Variants in RGS3 observed in about 807,000 individuals in gnomAD.
RGS3 encodes regulator of G protein signaling 3, also known as regulator of G-protein signalling 3.
Under a neutral mutation model 132.6 loss-of-function variants are expected in RGS3, and 80 were observed. The ratio of observed to expected loss-of-function variants is 0.60; its 90% CI spans 0.50 to 0.73. The LOEUF (loss-of-function observed/expected upper bound fraction) is 0.73. Among genes scored for constraint, RGS3 ranks in the 30% least tolerant of loss-of-function variants. The pLI, the probability that RGS3 is intolerant of heterozygous loss-of-function variation, is 0.00. For synonymous variants in RGS3, 598 were observed against 620.6 expected, an observed-to-expected ratio of 0.96 and a Z score of 0.54; for missense variants, 1,382 against 1,530.8, an observed-to-expected ratio of 0.90 and a Z score of 1.62.
At chr9:113,583,872 C>G (rs1275846175) in exon 20 of RGS3, 1 of 1,613,964 alleles carries the variant, frequency 6.2e-7, no homozygotes. Context: ...TGCCTCCTAG[C>G]CAGGTCTCCC....
intron 10 of RGS3, among the ~76,000 whole-genome samples, chr9:113,502,363 G>A (rs959235179): frequency 6.6e-6 from 1 of 152,218 alleles, no homozygotes; most frequent in African/African-American, 2.4e-5. Context: ...ACATAGAGAA[G>A]CCCCTCTATT....
At chr9:113,460,216 A>T, upstream of RGS3, 1 of 1,227,914 alleles carries the variant, frequency 8.1e-7, no homozygotes. Flanking sequence ...CTTTAACCTT[A>T]TTTCCTTTTA....
chr9:113,490,511 A>G (rs543619642), intron 7 of RGS3, among the ~76,000 whole-genome samples: 3 of 151,896 alleles, frequency 2.0e-5, no homozygotes, highest in Non-Finnish European at 4.4e-5. Flanking sequence ...TAATATGGCA[A>G]AAGACAAATT....
rs541317743 is a variant in RGS3 at position 113,537,311 on chromosome 9, G to A, written c.2037+393G>A. On this transcript the variant is annotated intron_variant, in intron 19 of 24. Transcript: ENST00000350696. This position sits in a 1 kb window ranked among gnomAD's most constrained non-coding sequence, Gnocchi z 4.3. ...TGTTTAACATTGGCCCCAGGCGGAT[G>A]CGATAGAGGGGATGTTTGCGGCAGA... 6.6e-6 allele frequency among the ~76,000 whole-genome samples: 1 copy of A among 152,338 alleles called. No individual in the cohort carries two copies. The highest frequency in any genetic ancestry group is 2.1e-4 in the South Asian group (1 of 4,826).
At chr9:113,572,787 C>T (rs1357744793) in intron 19 of RGS3, among the ~76,000 whole-genome samples, 1 of 152,220 alleles carries the variant, frequency 6.6e-6, no homozygotes, top group Non-Finnish European at 1.5e-5. Flanking sequence ...GTGATTTGGC[C>T]CAGGCCATGC....
chr9:113,450,291 T>A (rs995185352), intron 1 of RGS3, among the ~76,000 whole-genome samples: 1 of 150,914 alleles, frequency 6.6e-6, no homozygotes, highest in African/African-American at 2.4e-5. Flanking sequence ...CAGAATGGTC[T>A]CGATCTCCTG....
At chr9:113,447,116 G>T (rs192603084) in intron 1 of RGS3, among the ~76,000 whole-genome samples, 9 of 151,210 alleles carry the variant, frequency 6.0e-5, no homozygotes, top group African/African-American at 2.2e-4. Context: ...AGAAAAATTA[G>T]CTGGGTGTGG....
upstream of RGS3, among the ~76,000 whole-genome samples, chr9:113,456,864 G>A (rs1829373041): frequency 1.3e-5 from 2 of 152,066 alleles, no homozygotes; most frequent in Admixed American, 1.3e-4. Context: ...ACAATGCGAT[G>A]ATCTCAGCTC....
At chr9:113,595,364 C>T (rs1835711766) in intron 23 of RGS3, 1 of 565,282 alleles carries the variant, frequency 1.8e-6, no homozygotes, top group Non-Finnish European at 3.2e-6. Flanking sequence ...AATCGATAGT[C>T]CCCATTTCAC....
exon 15 of RGS3, chr9:113,514,477 A>G (rs766818240): frequency 1.2e-6 from 2 of 1,613,806 alleles, no homozygotes; most frequent in East Asian, 4.5e-5. Flanking sequence ...GTCCCAGTAA[A>G]GGGAAGTCCT....
Position 113,584,212 on chromosome 9 carries a change from C to A in RGS3, c.2800C>A (p.Gln934Lys), listed in dbSNP as rs767121295. 5 of 1,610,122 alleles carry A rather than the reference C, an allele frequency of 3.1e-6. No individual in the cohort carries two copies. The highest frequency in any genetic ancestry group is 3.4e-6 in the Non-Finnish European group (4 of 1,178,494). Residue 934 changes from glutamine (Q) to lysine (K), a missense_variant, in exon 20 of 25, where the codon CAG (glutamine) becomes AAG (lysine). Physicochemically the swap from Gln to Lys is moderately conservative, Grantham distance 53. Coordinates refer to ENST00000350696, the Ensembl canonical transcript of RGS3. ...TGAGGGTGGCCTCTCACTGCGTGTG[C>A]AGAACTCGCTGCGGCGCCGGACGCA...
chr9:113,525,902 C>A (rs1429563461), intron 17 of RGS3, among the ~76,000 whole-genome samples: 1 of 152,230 alleles, frequency 6.6e-6, no homozygotes, highest in Non-Finnish European at 1.5e-5. Flanking sequence ...GGGTGCACCT[C>A]TCCCCCAGGG....
upstream of RGS3, among the ~76,000 whole-genome samples, chr9:113,456,023 C>G (rs572943611): frequency 1.1e-4 from 17 of 152,316 alleles, no homozygotes; most frequent in African/African-American, 3.6e-4. Flanking sequence ...GTTGCTAAAT[C>G]TAATGGACAC....
Position 113,565,438 on chromosome 9 carries a change from C to T in RGS3, c.2038-18012C>T, listed in dbSNP as rs897111722. On this transcript the variant is annotated intron_variant, in intron 19 of 24. Coordinates refer to ENST00000350696, the Ensembl canonical transcript of RGS3. The surrounding 1 kb of genome is among the most constrained non-coding windows in gnomAD (Gnocchi z 5.7). ...GGAGGAGGAGGAAGAGGAGGAGGGA[C>T]GGGTGATGCAAGGGTTTTGAAAGCG... The T allele has an allele frequency of 4.2e-5, 51 of 1,227,702 alleles. No homozygotes were observed. The highest frequency in any genetic ancestry group is 1.9e-4 in the South Asian group (15 of 79,796). 76.1% of individuals were successfully genotyped at this position (1,227,702 alleles called of 1,614,324 possible).
intron 19 of RGS3, chr9:113,541,670 AG>A: frequency 8.8e-7 from 1 of 1,131,528 alleles, no homozygotes; most frequent in Non-Finnish European, 1.1e-6. Context: ...GAGGACTCAG[AG>A]GCTTCTTCCT....
chr9:113,520,755 C>A (rs1283750564), intron 16 of RGS3, among the ~76,000 whole-genome samples: 1 of 152,026 alleles, frequency 6.6e-6, no homozygotes, highest in Non-Finnish European at 1.5e-5. Flanking sequence ...TCTTCTCAGA[C>A]AACCAATTCC....
intron 1 of RGS3, among the ~76,000 whole-genome samples, chr9:113,449,036 A>G (rs1187150804): frequency 6.6e-6 from 1 of 152,150 alleles, no homozygotes; most frequent in African/African-American, 2.4e-5. Flanking sequence ...TTGTGACTAG[A>G]TTGTGCAGGG....
In RGS3 at chr9:113,552,512, G is replaced by C. The variant is rs535087220; in HGVS notation, c.2037+15594G>C. On this transcript the variant is annotated intron_variant, in intron 19 of 24. Transcript: ENST00000350696. ...TTTGTATTTTTTTAGTAGAGACGGG[G>C]TTTCAATGTGTTAGCCAGGATGGTC... Among the ~76,000 whole-genome samples, 11 of 152,236 alleles carry C rather than the reference G, an allele frequency of 7.2e-5. No homozygotes were observed. The East Asian group carries it at 1.5e-3, about 21-fold the overall frequency.
intron 4 of RGS3, 151 bp downstream of exon 2, chr9:113,479,692 T>C (rs1830101968): frequency 2.1e-5 from 15 of 720,752 alleles, no homozygotes; most frequent in Non-Finnish European, 3.3e-5. Flanking sequence ...AAGCCAGTAT[T>C]CACCTGGGGC....
Sources: allele counts gnomAD v4.1 joint callset (sites outside exome capture counted in the v4.1 genomes callset), GRCh38; gene constraint gnomAD v4.1.1; non-coding constraint Gnocchi (gnomAD v3.1); transcripts MANE v1.5; gene names NCBI Gene and HGNC (gene_info 2026-07-23, HGNC 2026-07-21).